DOK6: variants seen among roughly 807,000 people sequenced by gnomAD.
The protein encoded by DOK6 is downstream of tyrosine kinase 6.
A neutral mutation model predicts 44.0 loss-of-function variants in DOK6; 22 were observed. The ratio of observed to expected loss-of-function variants is 0.50; its 90% CI spans 0.36 to 0.71. The LOEUF is 0.71. DOK6 is among the 30% of genes least tolerant of loss of function. The probability of loss-of-function intolerance (pLI) is 0.00; values close to 1 mark genes in which losing one functional copy is unlikely to be tolerated. For synonymous variants in DOK6, 166 were observed against 145.5 expected, an observed-to-expected ratio of 1.14 and a Z score of -1.01; for missense variants, 340 against 416.4, an observed-to-expected ratio of 0.82 and a Z score of 1.60.
rs1007105293 is a variant in DOK6, at chr18:69,707,893, C to T, written c.599+9300C>T. ...AGCTTCCTGAAGAAGATGATTTGCA[C>T]GGCGAATCATAAAATATGAGTTGGA... On this transcript the variant is annotated intron_variant, in intron 5 of 7. Coordinates refer to ENST00000382713, the MANE Select transcript of DOK6 (RefSeq NM_152721.6). Among the ~76,000 whole-genome samples the T allele has an allele frequency of 6.6e-5, 10 of 152,176 alleles. No homozygotes were observed. In the East Asian group the frequency reaches 7.7e-4, roughly 12 times the overall value.
chr18:69,835,253 G>C (rs1982012940), intron 7 of DOK6, among the ~76,000 whole-genome samples: 1 of 152,086 alleles, frequency 6.6e-6, no homozygotes, highest in South Asian at 2.1e-4. Context: ...ACGAGGTCAG[G>C]AGATCAAGAC....
intron 3 of DOK6, 44 bp from the exon 4 acceptor site, chr18:69,677,685 TCATTC>T (rs1216450052): frequency 6.2e-7 from 1 of 1,609,336 alleles, no homozygotes; most frequent in Non-Finnish European, 8.5e-7. Flanking sequence ...TCTTCTTCCA[TCATTC>T]CTAGGGAGCA....
intron 1 of DOK6, among the ~76,000 whole-genome samples, chr18:69,546,496 C>A (rs1164036745): frequency 6.6e-6 from 1 of 151,396 alleles, no homozygotes; most frequent in South Asian, 2.1e-4. Context: ...TAAAACCAAC[C>A]CTTCGAGCAG....
At chr18:69,731,783 T>G (rs1421536754) in intron 5 of DOK6, among the ~76,000 whole-genome samples, 1 of 152,222 alleles carries the variant, frequency 6.6e-6, no homozygotes, top group Admixed American at 6.5e-5. Flanking sequence ...ACTGTCCCAA[T>G]CGTAACATGG....
intron 7 of DOK6, among the ~76,000 whole-genome samples, chr18:69,787,375 T>TAACATACG (rs1980464090): frequency 6.6e-6 from 1 of 152,212 alleles, no homozygotes; most frequent in Non-Finnish European, 1.5e-5. Flanking sequence ...TGTGTTAACT[T>TAACATACG]TATTTGTAAC....
At chr18:69,583,808 G>A (rs1983425203) in intron 2 of DOK6, among the ~76,000 whole-genome samples, 2 of 150,560 alleles carry the variant, frequency 1.3e-5, no homozygotes, top group East Asian at 1.9e-4. Flanking sequence ...TGACCTTAAA[G>A]TTTTGGCTTT....
At chr18:69,421,991 T>TA (rs1239551273) in intron 1 of DOK6, among the ~76,000 whole-genome samples, 2 of 152,204 alleles carry the variant, frequency 1.3e-5, no homozygotes, top group African/African-American at 4.8e-5. Flanking sequence ...CTTAAGTTTT[T>TA]ATCATCCACC....
chr18:69,599,672 G>A (rs1209995463), intron 3 of DOK6, among the ~76,000 whole-genome samples, 174 bp downstream of exon 3: 4 of 152,198 alleles, frequency 2.6e-5, no homozygotes, highest in African/African-American at 4.8e-5. Context: ...TTTTGTGCCT[G>A]TTGTTACATG....
At chr18:69,730,271 A>G (rs17081555) in intron 5 of DOK6, among the ~76,000 whole-genome samples, 18,817 of 152,238 alleles carry the variant, frequency 0.12, 1,190 homozygotes, top group Middle Eastern at 0.18. Context: ...TCTAAGTTTT[A>G]TTTTCCTCCC....
At chr18:69,790,743 G>A (rs1398776593) in intron 7 of DOK6, among the ~76,000 whole-genome samples, 1 of 151,986 alleles carries the variant, frequency 6.6e-6, no homozygotes, top group Non-Finnish European at 1.5e-5. Context: ...CATCAGGGGA[G>A]TATTTATCAC....
intron 7 of DOK6, among the ~76,000 whole-genome samples, chr18:69,770,678 C>T (rs748709367): frequency 1.3e-5 from 2 of 152,146 alleles, no homozygotes; most frequent in South Asian, 2.1e-4. Flanking sequence ...GGGTTTAACT[C>T]GTGAGGGTTG....
chr18:69,531,285 T>TAAG (rs1981979547), intron 1 of DOK6, among the ~76,000 whole-genome samples: 1 of 146,136 alleles, frequency 6.8e-6, no homozygotes, highest in Non-Finnish European at 1.5e-5. Flanking sequence ...ATATTATATG[T>TAAG]TATATATTAT....
chr18:69,821,504 C>T (rs1315550505), intron 7 of DOK6, among the ~76,000 whole-genome samples: 3 of 152,158 alleles, frequency 2.0e-5, no homozygotes, highest in African/African-American at 7.2e-5. Context: ...CCCGTAATCT[C>T]TTTATTTTCC....
chr18:69,580,008 G>A (rs1165738744), intron 2 of DOK6, among the ~76,000 whole-genome samples: 3 of 152,080 alleles, frequency 2.0e-5, no homozygotes, highest in African/African-American at 7.2e-5. Context: ...CCAAATAATT[G>A]AATTTTTTAT....
intron 1 of DOK6, among the ~76,000 whole-genome samples, chr18:69,401,614 G>C (rs1275249931): frequency 1.3e-5 from 2 of 152,186 alleles, no homozygotes; most frequent in Non-Finnish European, 2.9e-5. Context: ...AACGTGCCTT[G>C]GAGGAGGTTT....
intron 1 of DOK6, among the ~76,000 whole-genome samples, chr18:69,427,079 A>C (rs1034918659): frequency 6.6e-6 from 1 of 152,112 alleles, no homozygotes; most frequent in Non-Finnish European, 1.5e-5. Flanking sequence ...CCAATTTATA[A>C]GCAAGAACAT....
rs147530839 is a variant in DOK6, at chr18:69,629,310, C to T, written c.289+29812C>T. 2.3e-3 allele frequency among the ~76,000 whole-genome samples: 348 copies of T among 152,262 alleles called. 2 individuals carry two copies. The highest frequency in any genetic ancestry group is 8.0e-3 in the African/African-American group (334 of 41,560). On this transcript the variant is annotated intron_variant, in intron 3 of 7. Coordinates refer to ENST00000382713, the MANE Select transcript of DOK6 (RefSeq NM_152721.6). The stretch of plus-strand genomic sequence containing the variant: ...GGAATTTGCTCAGTATATGAGAGTT[C>T]AGTTGCCGAAGTTTTGAATAAGATA...
intron 2 of DOK6, among the ~76,000 whole-genome samples, chr18:69,598,038 C>T (rs1213412781): frequency 1.3e-5 from 2 of 152,116 alleles, no homozygotes; most frequent in Non-Finnish European, 2.9e-5. Context: ...CATTTCCATC[C>T]ACATTATAGA....
chr18:69,530,981 G>A (rs537095260), intron 1 of DOK6, among the ~76,000 whole-genome samples: 1 of 152,024 alleles, frequency 6.6e-6, no homozygotes, highest in Non-Finnish European at 1.5e-5. Flanking sequence ...AGGATAGTTA[G>A]CTCTTCTTGT....
Sources: gnomAD v4.1 joint callset for allele counts (sites outside exome capture counted in the v4.1 genomes callset) on GRCh38, gnomAD v4.1.1 for gene constraint, MANE v1.5 for transcripts, NCBI Gene and HGNC (gene_info 2026-07-23, HGNC 2026-07-21) for gene names.